The following UNC5D variants were observed in gnomAD, a reference collection of about 807,000 sequenced individuals.
The protein encoded by UNC5D is netrin receptor UNC5D.
In UNC5D, 39 loss-of-function variants were observed where a neutral mutation model predicts 105.4. The observed-to-expected ratio is 0.37, with a 90% CI of 0.29 to 0.48. The LOEUF (loss-of-function observed/expected upper bound fraction) is 0.48. UNC5D is among the 20% of genes least tolerant of loss of function. The pLI is 0.98. For synonymous variants in UNC5D, 452 were observed against 450.4 expected, an observed-to-expected ratio of 1.00 and a Z score of -0.04; for missense variants, 991 against 1,202.4, an observed-to-expected ratio of 0.82 and a Z score of 2.60.
chr8:35,429,266 G>A (rs918073017), intron 1 of UNC5D, among the ~76,000 whole-genome samples: 1 of 152,072 alleles, frequency 6.6e-6, no homozygotes, highest in Non-Finnish European at 1.5e-5. Context: ...TAGAGATTCT[G>A]AGCTATAGGT....
At chr8:35,718,609 A>T (rs937469356) in intron 8 of UNC5D, among the ~76,000 whole-genome samples, 5 of 152,228 alleles carry the variant, frequency 3.3e-5, no homozygotes, top group African/African-American at 1.2e-4. Context: ...AAAACAAAGC[A>T]ACTCACTGGC....
intron 1 of UNC5D, among the ~76,000 whole-genome samples, chr8:35,516,056 T>G (rs934910992): frequency 2.0e-5 from 3 of 152,194 alleles, no homozygotes; most frequent in African/African-American, 7.2e-5. Context: ...CCTATGCTTT[T>G]TTTTATGTCA....
intron 1 of UNC5D, among the ~76,000 whole-genome samples, chr8:35,464,562 T>C (rs75117778): frequency 5.8e-4 from 88 of 152,302 alleles, no homozygotes; most frequent in African/African-American, 2.1e-3. Context: ...TTCACTAGTT[T>C]TTCTTTTTTC....
chr8:35,617,210 C>G (rs1402579786), intron 4 of UNC5D, among the ~76,000 whole-genome samples: 1 of 152,148 alleles, frequency 6.6e-6, no homozygotes, highest in Non-Finnish European at 1.5e-5. Context: ...GCTGTGATCC[C>G]CACATCCTAA....
chr8:35,404,628 C>A (rs1287315138), intron 1 of UNC5D, among the ~76,000 whole-genome samples: 1 of 152,054 alleles, frequency 6.6e-6, no homozygotes, highest in African/African-American at 2.4e-5. Context: ...CGCTCTGTTG[C>A]CCAGGCTGGA....
intron 15 of UNC5D, among the ~76,000 whole-genome samples, chr8:35,772,119 T>C (rs1398791462): frequency 6.6e-6 from 1 of 152,196 alleles, no homozygotes; most frequent in Non-Finnish European, 1.5e-5. Context: ...CTAAAACCAG[T>C]AAGTACAATC....
At chr8:35,491,342 C>T (rs1029249296) in intron 1 of UNC5D, among the ~76,000 whole-genome samples, 2 of 151,854 alleles carry the variant, frequency 1.3e-5, no homozygotes, top group African/African-American at 4.8e-5. Context: ...GAGATATTGG[C>T]AATTAATGTA....
chr8:35,643,944 T>A (rs6986436), intron 4 of UNC5D, among the ~76,000 whole-genome samples: 32 of 152,168 alleles, frequency 2.1e-4, no homozygotes, highest in African/African-American at 7.7e-4. Flanking sequence ...AAGCCCCCCA[T>A]TTTCCCCATA....
intron 1 of UNC5D, among the ~76,000 whole-genome samples, chr8:35,458,027 T>C (rs1020146673): frequency 6.6e-6 from 1 of 152,152 alleles, no homozygotes; most frequent in Non-Finnish European, 1.5e-5. Context: ...TTGTGGAGTT[T>C]ATTAGTTGAT....
intron 13 of UNC5D, among the ~76,000 whole-genome samples, chr8:35,753,384 T>A (rs567425552): frequency 6.6e-6 from 1 of 152,230 alleles, no homozygotes; most frequent in African/African-American, 2.4e-5. Context: ...TTTTCCTGCC[T>A]CAGCCTCCTG....
chr8:35,670,898 T>C (rs1166445216), intron 4 of UNC5D, among the ~76,000 whole-genome samples: 3 of 152,170 alleles, frequency 2.0e-5, no homozygotes, highest in Non-Finnish European at 4.4e-5. Context: ...TTTGAATATG[T>C]TGGCATATTT....
chr8:35,311,814 T>C (rs1035939696), intron 1 of UNC5D, among the ~76,000 whole-genome samples: 2 of 152,174 alleles, frequency 1.3e-5, no homozygotes, highest in Non-Finnish European at 2.9e-5. Context: ...ATTTTAAAAG[T>C]ACAAGGAAGA....
At chr8:35,588,443 C>T (rs1586192862) in intron 3 of UNC5D, among the ~76,000 whole-genome samples, 2 of 152,158 alleles carry the variant, frequency 1.3e-5, no homozygotes, top group Admixed American at 1.3e-4. Context: ...GTGAGATTCT[C>T]TGCCTCAGTT....
At chr8:35,348,133 G>T (rs1023409690) in intron 1 of UNC5D, among the ~76,000 whole-genome samples, 1 of 151,724 alleles carries the variant, frequency 6.6e-6, no homozygotes, top group Non-Finnish European at 1.5e-5. Context: ...AGCTAATATT[G>T]GTAGCTTAGT....
At chr8:35,395,710 A>AT (rs1451659033) in intron 1 of UNC5D, among the ~76,000 whole-genome samples, 14 of 152,128 alleles carry the variant, frequency 9.2e-5, no homozygotes, top group African/African-American at 3.1e-4. Flanking sequence ...CTAACACTAG[A>AT]TTTTCACAAG....
At chr8:35,487,594 C>CACATA (rs1554542234) in intron 1 of UNC5D, among the ~76,000 whole-genome samples, 1 of 146,756 alleles carries the variant, frequency 6.8e-6, no homozygotes, top group African/African-American at 2.7e-5. Context: ...CACACACACA[C>CACATA]CCCACAGACT....
intron 1 of UNC5D, among the ~76,000 whole-genome samples, chr8:35,277,938 T>G (rs1436352752): frequency 1.3e-5 from 2 of 152,120 alleles, no homozygotes; most frequent in Non-Finnish European, 2.9e-5. Flanking sequence ...GAGAGAAAAT[T>G]TGAGAGTCAG....
chr8:35,419,979 G>A (rs546206988), intron 1 of UNC5D, among the ~76,000 whole-genome samples: 24 of 152,244 alleles, frequency 1.6e-4, no homozygotes, highest in Middle Eastern at 3.4e-3. Flanking sequence ...GAGTCTGGGG[G>A]TTTTTATGGG....
intron 1 of UNC5D, among the ~76,000 whole-genome samples, chr8:35,413,878 T>C (rs539991616): frequency 6.6e-6 from 1 of 152,196 alleles, no homozygotes; most frequent in East Asian, 1.9e-4. Flanking sequence ...TTCTGTCCTA[T>C]AGAATATTAT....
Sources: allele counts gnomAD v4.1 joint callset (sites outside exome capture counted in the v4.1 genomes callset), GRCh38; gene constraint gnomAD v4.1.1; transcripts MANE v1.5; gene names NCBI Gene and HGNC (gene_info 2026-07-23, HGNC 2026-07-21).